Variants in PRR27 observed in about 807,000 individuals in gnomAD.
The protein encoded by PRR27 is proline-rich protein 27.
A neutral mutation model predicts 16.8 loss-of-function variants in PRR27; 12 were observed. That is an observed-to-expected ratio of 0.71 (90% confidence interval 0.46 to 1.16). The LOEUF (loss-of-function observed/expected upper bound fraction) is 1.16, where lower values mean the gene tolerates loss of function less well. PRR27 is among the 50% of genes most tolerant of loss of function. The pLI, the probability that PRR27 is intolerant of heterozygous loss-of-function variation, is 0.00. For missense variants in PRR27, 277 were observed against 273.3 expected (o/e 1.01, Z -0.10); for synonymous variants, 100 against 98.4 (o/e 1.02, Z -0.10).
chr4:70,160,443 C>CTCTCTCTG (rs1298386504), intron 3 of PRR27, among the ~76,000 whole-genome samples: 28 of 68,704 alleles, frequency 4.1e-4, no homozygotes, highest in African/African-American at 1.3e-3. Context: ...CTCTCTCTCT[C>CTCTCTCTG]TGTGTGTGTG....
chr4:70,157,606 C>T (rs532196161), intron 2 of PRR27, among the ~76,000 whole-genome samples: 46 of 152,094 alleles, frequency 3.0e-4, no homozygotes, highest in African/African-American at 1.1e-3. Context: ...GCAACCTCTG[C>T]CTTCCAGGTT....
chr4:70,165,641 G>A lies in PRR27; in HGVS notation c.*2980G>A, dbSNP rs937724493. On this transcript the variant is annotated 3_prime_UTR_variant, in exon 5 of 5. Coordinates refer to ENST00000344526, the MANE Select transcript of PRR27 (RefSeq NM_214711.4). ...TTATTTTGAGTCATATCTTTTGATC[G>A]ATATTAAGATACATTTGCAGAGTTT... 9.2e-5 allele frequency: 14 copies of A among 152,022 alleles called. 1 individual carries two copies. The highest frequency in any genetic ancestry group is 3.4e-3 in the Middle Eastern group (1 of 294). The allele number at this position is 152,022 out of a possible 1,614,324, so 9.4% of individuals were successfully genotyped here.
chr4:70,157,252 A>C (rs1399245), intron 2 of PRR27, among the ~76,000 whole-genome samples: 7,483 of 152,090 alleles, frequency 0.049, 343 homozygotes, highest in African/African-American at 0.12. Flanking sequence ...TCCCAGACAC[A>C]AGAAGAAAGA....
Position 70,164,491 on chromosome 4 carries a change from T to A in PRR27, c.*1830T>A, listed in dbSNP as rs1728721879. 2 of 152,186 alleles carry A rather than the reference T, an allele frequency of 1.3e-5. No individual in the cohort carries two copies. The highest frequency in any genetic ancestry group is 4.8e-5 in the African/African-American group (2 of 41,442). 9.4% of individuals were successfully genotyped at this position (152,186 alleles called of 1,614,324 possible). ...AGACAGTAAAATTGTTAACTTGAGA[T>A]GTTTGCTTCCATCTTCTAGAGCCAA... On this transcript the variant is annotated 3_prime_UTR_variant, in exon 5 of 5. Coordinates refer to ENST00000344526, the MANE Select transcript of PRR27 (RefSeq NM_214711.4).
chr4:70,158,655 G>T lies in PRR27; in HGVS notation c.403G>T (p.Ala135Ser). Reference protein sequence around the residue: ...AAPPIAAEPAAAAPLTATPVA... With the variant: ...AAPPIAAEPASAAPLTATPVA... ...CCCACCTATTGCAGCTGAGCCTGCT[G>T]CAGCTGCACCTCTTACAGCCACACC... The change falls in exon 3 of 5, where the codon GCA becomes TCA. Residue 135 changes from alanine to serine, a missense_variant. Ala to Ser is a moderately conservative substitution (Grantham distance 99). Coordinates refer to ENST00000344526, the MANE Select transcript of PRR27 (RefSeq NM_214711.4). 1 of 1,613,930 alleles carries T rather than the reference G, an allele frequency of 6.2e-7. No homozygotes were observed. The highest frequency in any genetic ancestry group is 8.5e-7 in the Non-Finnish European group (1 of 1,179,948).
intron 1 of PRR27, among the ~76,000 whole-genome samples, chr4:70,155,514 G>C (rs1244339001): frequency 6.6e-6 from 1 of 152,012 alleles, no homozygotes; most frequent in Admixed American, 6.6e-5. Context: ...GACTACAGGC[G>C]CCCGCCACCA....
chr4:70,160,443 C>CTCTCTCTCTCTCTCTCTCTCTGTG (rs1298386504), intron 3 of PRR27, among the ~76,000 whole-genome samples: 2 of 68,678 alleles, frequency 2.9e-5, no homozygotes. Flanking sequence ...CTCTCTCTCT[C>CTCTCTCTCTCTCTCTCTCTCTGTG]TGTGTGTGTG....
rs1560471928 is a variant in PRR27 at position 70,163,993 on chromosome 4, G to C, written c.*1332G>C. On this transcript the variant is annotated 3_prime_UTR_variant, in exon 5 of 5. Coordinates refer to ENST00000344526, the MANE Select transcript of PRR27 (RefSeq NM_214711.4). Reference sequence around the variant, plus strand: ...TTTTCTACTTCGGGGGTCTCATATAGAAATCCTGCTTCAGAATACTCTTCC... The same window carrying C: ...TTTTCTACTTCGGGGGTCTCATATACAAATCCTGCTTCAGAATACTCTTCC... 1.3e-5 allele frequency: 2 copies of C among 151,622 alleles called. No individual in the cohort carries two copies. The highest frequency in any genetic ancestry group is 3.4e-3 in the Middle Eastern group (1 of 292). 9.4% of individuals were successfully genotyped at this position (151,622 alleles called of 1,614,324 possible).
At chr4:70,156,136 A>C (rs1728470792) in intron 2 of PRR27, 59 bp downstream of exon 2, 7 of 875,334 alleles carry the variant, frequency 8.0e-6, no homozygotes, top group Non-Finnish European at 1.2e-5. Flanking sequence ...AATATATTTT[A>C]CATTTTAAAA....
intron 4 of PRR27, among the ~76,000 whole-genome samples, chr4:70,161,952 T>C (rs1339552674): frequency 6.6e-6 from 1 of 152,216 alleles, no homozygotes; most frequent in Middle Eastern, 3.2e-3. Context: ...GGACTATACA[T>C]AGAAAGAGGC....
rs928349922 is a variant in PRR27, at chr4:70,164,540, T to C, written c.*1879T>C. 1.3e-5 allele frequency: 2 copies of C among 152,140 alleles called. No homozygotes were observed. Among genetic ancestry groups the C allele is most frequent in the Non-Finnish European group, 2.9e-5 (2 of 68,004 alleles). The allele number at this position is 152,140 out of a possible 1,614,324, so 9.4% of individuals were successfully genotyped here. A position where few individuals can be genotyped will look rare whatever the true frequency, so the allele number is the denominator to read the frequency against. ...AAGTAGGATCTAACTTTAATTTGAC[T>C]TAGCCAATAATCTGAAACTATTATA... On this transcript the variant is annotated 3_prime_UTR_variant, in exon 5 of 5. Transcript: ENST00000344526.
intron 1 of PRR27, 127 bp downstream of exon 1, chr4:70,154,553 T>G: frequency 2.2e-6 from 2 of 893,170 alleles, no homozygotes; most frequent in Non-Finnish European, 3.6e-6. Context: ...TAGATGGACA[T>G]GAGATTTGTA....
Position 70,158,432 on chromosome 4 carries a change from C to T in PRR27, c.180C>T (p.Pro60=), listed in dbSNP as rs1560469244. The change falls in exon 3 of 5, where the codon CCC becomes CCT. Residue 60 remains proline (P), a synonymous_variant. Transcript: ENST00000344526. The part of the protein sequence containing the change: ...PLYYRPVNTV[P]SYPGNTYTDT... The stretch of plus-strand genomic sequence containing the variant: ...ATTATCGCCCAGTGAATACAGTCCC[C>T]AGTTACCCTGGGAATACTTACACTG... 6.2e-7 allele frequency: 1 copy of T among 1,613,888 alleles called. No individual in the cohort carries two copies. The highest frequency in any genetic ancestry group is 8.5e-7 in the Non-Finnish European group (1 of 1,179,812).
chr4:70,158,624 C>G lies in PRR27; in HGVS notation c.372C>G (p.Pro124=). Residue 124 remains proline, a synonymous_variant, in exon 3 of 5, where the codon CCC becomes CCG. Transcript: ENST00000344526. ...PSRFFSAAAA[P]AAPPIAAEPA... ...GGTTTTTTTCAGCAGCTGCAGCACC[C>G]GCTGCCCCACCTATTGCAGCTGAGC... 6.2e-7 allele frequency: 1 copy of G among 1,614,006 alleles called. No homozygotes were observed. Among genetic ancestry groups the G allele is most frequent in the South Asian group, 1.1e-5 (1 of 91,084 alleles).
chr4:70,159,367 C>T (rs1383648969), intron 3 of PRR27, among the ~76,000 whole-genome samples: 1 of 152,086 alleles, frequency 6.6e-6, no homozygotes, highest in African/African-American at 2.4e-5. Context: ...ACAGATACGC[C>T]GTAATTCATT....
chr4:70,161,198 A>G (rs1728641473), intron 3 of PRR27, among the ~76,000 whole-genome samples: 1 of 73,244 alleles, frequency 1.4e-5, no homozygotes, highest in Non-Finnish European at 2.8e-5. Context: ...ACATATATAT[A>G]CACGTATACA....
chr4:70,162,326 G>A (rs1728667858), intron 4 of PRR27, among the ~76,000 whole-genome samples: 1 of 152,298 alleles, frequency 6.6e-6, no homozygotes, highest in Admixed American at 6.5e-5. Flanking sequence ...AAAAGCAAAT[G>A]TGATGGTATT....
rs1251734915 is a variant in PRR27, at chr4:70,161,606, A to G, written c.*9A>G. ...TCTAGGCAAATCAGTGAAATTCTCT[A>G]GAAGAGTACCATGGGTTCATTTCTG... is the stretch of plus-strand genomic sequence containing the variant. On this transcript the variant is annotated 3_prime_UTR_variant, in exon 4 of 5. Transcript: ENST00000344526. 6.6e-7 allele frequency: 1 copy of G among 1,508,136 alleles called. No individual in the cohort carries two copies. The highest frequency in any genetic ancestry group is 1.2e-5 in the South Asian group (1 of 83,492). 93.4% of individuals were successfully genotyped at this position (1,508,136 alleles called of 1,614,324 possible).
chr4:70,165,277 A>G lies in PRR27; in HGVS notation c.*2616A>G, dbSNP rs1728738748. 1 of 152,098 alleles carries G rather than the reference A, an allele frequency of 6.6e-6. No homozygotes were observed. 9.4% of individuals were successfully genotyped at this position (152,098 alleles called of 1,614,324 possible). A position where few individuals can be genotyped will look rare whatever the true frequency, so the allele number is the denominator to read the frequency against. On this transcript the variant is annotated 3_prime_UTR_variant, in exon 5 of 5. Transcript: ENST00000344526. ...TAGTCAAAAATGTTGTTAATTATAC[A>G]TTTTAAAGACTATTTTTGGTAAGGT... is the stretch of plus-strand genomic sequence containing the variant.
Sources: gnomAD v4.1 joint callset for allele counts (sites outside exome capture counted in the v4.1 genomes callset) on GRCh38, gnomAD v4.1.1 for gene constraint, MANE v1.5 for transcripts, NCBI Gene and HGNC (gene_info 2026-07-23, HGNC 2026-07-21) for gene names.